The following ASIC2 variants were observed in gnomAD, a reference collection of about 807,000 sequenced individuals.
ASIC2 encodes acid sensing ion channel subunit 2.
ASIC2 carries 25 observed loss-of-function variants against 57.3 expected under a neutral mutation model. The ratio of observed to expected loss-of-function variants is 0.44; its 90% confidence interval spans 0.32 to 0.61. The LOEUF (loss-of-function observed/expected upper bound fraction) is 0.61, where lower values mean the gene tolerates loss of function less well. Among genes scored for constraint, ASIC2 ranks in the 20% least tolerant of loss-of-function variants. The pLI, the probability that ASIC2 is intolerant of heterozygous loss-of-function variation, is 0.06. For missense variants in ASIC2, 641 were observed against 738.1 expected, an observed-to-expected ratio of 0.87 and a Z score of 1.52; for synonymous variants, 319 against 307.5, an observed-to-expected ratio of 1.04 and a Z score of -0.39.
chr17:33,434,968 G>A (rs1310020324), intron 1 of ASIC2, among the ~76,000 whole-genome samples: 1 of 152,120 alleles, frequency 6.6e-6, no homozygotes, highest in Admixed American at 6.5e-5. Context: ...AGACTGTTGA[G>A]TAGGTAATGT....
intron 1 of ASIC2, among the ~76,000 whole-genome samples, chr17:33,731,396 G>T (rs1275997970): frequency 2.0e-5 from 3 of 152,154 alleles, no homozygotes; most frequent in African/African-American, 7.2e-5. Context: ...GGAGACGTGA[G>T]TAGCAGAAAA....
At chr17:33,463,372 T>G (rs1167240642) in intron 1 of ASIC2, among the ~76,000 whole-genome samples, 1 of 152,244 alleles carries the variant, frequency 6.6e-6, no homozygotes, top group Non-Finnish European at 1.5e-5. Flanking sequence ...ATGATTCTCC[T>G]TCTCCTTCTT....
intron 1 of ASIC2, among the ~76,000 whole-genome samples, chr17:33,843,355 GA>G (rs1051415093): frequency 1.3e-5 from 2 of 151,940 alleles, no homozygotes; most frequent in African/African-American, 2.4e-5. Flanking sequence ...TCTGAGACAA[GA>G]AAAAAATATC....
chr17:33,507,484 G>A (rs779227338), intron 1 of ASIC2, among the ~76,000 whole-genome samples: 2 of 152,194 alleles, frequency 1.3e-5, no homozygotes. Flanking sequence ...CTTATGCCAA[G>A]GATCAGCAAA....
intron 1 of ASIC2, among the ~76,000 whole-genome samples, chr17:33,732,634 A>AT (rs987024670): frequency 1.4e-5 from 2 of 144,298 alleles, no homozygotes; most frequent in African/African-American, 5.2e-5. Context: ...AATTTTTTTT[A>AT]TTTTTTATTT....
chr17:34,070,997 T>C (rs1391374736), intron 1 of ASIC2: 1 of 152,150 alleles, frequency 6.6e-6, no homozygotes, highest in Non-Finnish European at 1.5e-5. Flanking sequence ...GGCCCAGTCG[T>C]CAACAGATTC....
intron 1 of ASIC2, among the ~76,000 whole-genome samples, chr17:33,226,665 T>C (rs902808853): frequency 6.6e-6 from 1 of 152,224 alleles, no homozygotes; most frequent in Non-Finnish European, 1.5e-5. Context: ...TGTAATGGTG[T>C]CTGACTTATA....
chr17:33,135,706 C>T (rs568001578), intron 1 of ASIC2, among the ~76,000 whole-genome samples: 54 of 152,092 alleles, frequency 3.6e-4, no homozygotes, highest in Non-Finnish European at 6.0e-4. Flanking sequence ...TAGAACGGGT[C>T]TAAGGGAGCA....
chr17:33,067,930 C>T (rs2092050693), intron 3 of ASIC2, among the ~76,000 whole-genome samples: 1 of 152,098 alleles, frequency 6.6e-6, no homozygotes, highest in Admixed American at 6.5e-5. Flanking sequence ...GCAGCCTGGG[C>T]CCAAAGCAAG....
chr17:33,856,355 A>G (rs982749062), intron 1 of ASIC2, among the ~76,000 whole-genome samples: 54 of 109,760 alleles, frequency 4.9e-4, no homozygotes, highest in African/African-American at 1.6e-3. Flanking sequence ...TGTTACAGTA[A>G]AAGTTGTATG....
intron 1 of ASIC2, among the ~76,000 whole-genome samples, chr17:34,093,593 A>G (rs1910413664): frequency 6.6e-6 from 1 of 152,194 alleles, no homozygotes; most frequent in South Asian, 2.1e-4. Flanking sequence ...ATACACTTTG[A>G]ATATTTGTTG....
At chr17:33,503,884 A>T (rs1914171953) in intron 1 of ASIC2, among the ~76,000 whole-genome samples, 2 of 152,228 alleles carry the variant, frequency 1.3e-5, no homozygotes, top group Admixed American at 6.5e-5. Flanking sequence ...GAGAGACATT[A>T]CACCACACCC....
intron 3 of ASIC2, among the ~76,000 whole-genome samples, chr17:33,053,124 A>T (rs901267934): frequency 4.6e-5 from 7 of 152,184 alleles, no homozygotes; most frequent in Admixed American, 3.9e-4. Flanking sequence ...TTAAGGGTTG[A>T]TTGTCACAAC....
chr17:33,740,922 G>A (rs1910092576), intron 1 of ASIC2, among the ~76,000 whole-genome samples: 1 of 152,144 alleles, frequency 6.6e-6, no homozygotes, highest in Non-Finnish European at 1.5e-5. Context: ...GTTATAGTAA[G>A]GGGCAAGGAA....
chr17:33,795,984 A>G (rs912501315), intron 1 of ASIC2, among the ~76,000 whole-genome samples: 3 of 152,260 alleles, frequency 2.0e-5, no homozygotes, highest in Admixed American at 6.5e-5. Flanking sequence ...CCAGTAGATT[A>G]TCAACACTGT....
chr17:34,011,279 T>C (rs1037138693), intron 1 of ASIC2, among the ~76,000 whole-genome samples: 4 of 152,118 alleles, frequency 2.6e-5, no homozygotes, highest in African/African-American at 9.7e-5. Flanking sequence ...CTTGGCCCTT[T>C]CTGTTTTCAT....
chr17:34,039,410 C>T, intron 1 of ASIC2: 5 of 1,613,762 alleles, frequency 3.1e-6, no homozygotes, highest in Non-Finnish European at 4.2e-6. Flanking sequence ...CGAGGTTTTG[C>T]TAGCATCACT....
intron 3 of ASIC2, among the ~76,000 whole-genome samples, chr17:33,058,243 C>T (rs564575095): frequency 4.6e-5 from 7 of 152,036 alleles, no homozygotes; most frequent in Admixed American, 1.3e-4. Flanking sequence ...GCTGGTAAAC[C>T]GAGGCACAGC....
chr17:33,763,982 G>C (rs74251463), intron 1 of ASIC2, among the ~76,000 whole-genome samples: 11,357 of 152,204 alleles, frequency 0.075, 795 homozygotes, highest in East Asian at 0.38. Flanking sequence ...ACCCCAACAA[G>C]CCTTTTCTAG....
Sources: gnomAD v4.1 joint callset for allele counts (sites outside exome capture counted in the v4.1 genomes callset) on GRCh38, gnomAD v4.1.1 for gene constraint, MANE v1.5 for transcripts, NCBI Gene and HGNC (gene_info 2026-07-23, HGNC 2026-07-21) for gene names.